Variants in KIAA1549L observed in about 807,000 individuals in gnomAD.
The protein encoded by KIAA1549L is KIAA1549 like.
In KIAA1549L, 88 loss-of-function variants were observed where a neutral mutation model predicts 160.7. The observed-to-expected ratio is 0.55, with a 90% CI of 0.46 to 0.65. The LOEUF (loss-of-function observed/expected upper bound fraction) is 0.65, where lower values mean the gene tolerates loss of function less well. Among genes scored for constraint, KIAA1549L ranks in the 30% least tolerant of loss-of-function variants. KIAA1549L has a pLI of 0.00. For missense variants in KIAA1549L, 2,258 were observed against 2,437.5 expected, an observed-to-expected ratio of 0.93 and a Z score of 1.55; for synonymous variants, 950 against 976.7, an observed-to-expected ratio of 0.97 and a Z score of 0.51.
At chr11:33,562,065 T>G (rs1187911197) in intron 8 of KIAA1549L, among the ~76,000 whole-genome samples, 1 of 152,190 alleles carries the variant, frequency 6.6e-6, no homozygotes, top group Non-Finnish European at 1.5e-5. Context: ...TGGAAAGCCT[T>G]TTTGGACTGC....
chr11:33,667,758 C>G, intron 20 of KIAA1549L, 115 bp from the exon 21 acceptor site: 1 of 865,838 alleles, frequency 1.2e-6, no homozygotes, highest in Non-Finnish European at 1.8e-6. Flanking sequence ...CCATTTTCTT[C>G]TAAGTTCTCT....
At chr11:33,588,262 C>G (rs1326754526) in intron 11 of KIAA1549L, among the ~76,000 whole-genome samples, 1 of 152,186 alleles carries the variant, frequency 6.6e-6, no homozygotes, top group Admixed American at 6.5e-5. Context: ...GCACCAAGGA[C>G]AGTCCCTATC....
chr11:33,505,607 T>C (rs1307453716), intron 1 of KIAA1549L, among the ~76,000 whole-genome samples: 1 of 152,190 alleles, frequency 6.6e-6, no homozygotes, highest in East Asian at 1.9e-4. Flanking sequence ...TCAAAGTGAG[T>C]CTTCACTTAT....
chr11:33,385,027 C>A (rs1176151710), intron 1 of KIAA1549L, among the ~76,000 whole-genome samples: 1 of 150,528 alleles, frequency 6.6e-6, no homozygotes, highest in Non-Finnish European at 1.5e-5. Flanking sequence ...CTTTTTGTGT[C>A]CTAGCATAGA....
At chr11:33,629,268 G>A (rs1271173199) in intron 16 of KIAA1549L, among the ~76,000 whole-genome samples, 6 of 152,018 alleles carry the variant, frequency 3.9e-5, no homozygotes, top group Admixed American at 6.5e-5. Context: ...TATATGTCTT[G>A]GAGTTGCTCT....
chr11:33,468,864 T>G (rs1258358185), intron 1 of KIAA1549L, among the ~76,000 whole-genome samples: 7 of 152,202 alleles, frequency 4.6e-5, no homozygotes, highest in Admixed American at 4.6e-4. Context: ...TTATTTTTTT[T>G]ATGTTATAGA....
At chr11:33,555,369 A>G (rs1854613025) in intron 6 of KIAA1549L, among the ~76,000 whole-genome samples, 1 of 152,216 alleles carries the variant, frequency 6.6e-6, no homozygotes, top group African/African-American at 2.4e-5. Context: ...CTTGAAAAGG[A>G]AGAACGAAGT....
In KIAA1549L at chr11:33,470,375, T is replaced by C. The variant is rs184291950; in HGVS notation, c.239-71427T>C. 5.9e-5 allele frequency among the ~76,000 whole-genome samples: 9 copies of C among 152,338 alleles called. No homozygotes were observed. The East Asian group carries it at 1.7e-3, about 29-fold the overall frequency. ...TCAGTTCTATTACATTGATCTCATA[T>C]GTCCATCTTTATGCCACTGCCACAC... On this transcript the variant is annotated intron_variant, in intron 1 of 20. Coordinates refer to ENST00000658780, the MANE Select transcript of KIAA1549L (RefSeq NM_012194.3).
At chr11:33,622,438 G>A (rs1170751519) in intron 16 of KIAA1549L, among the ~76,000 whole-genome samples, 2 of 152,170 alleles carry the variant, frequency 1.3e-5, no homozygotes, top group African/African-American at 4.8e-5. Flanking sequence ...GGAACACCGA[G>A]GTTAAGAAAA....
At chr11:33,644,890 A>T (rs1851674812) in intron 16 of KIAA1549L, among the ~76,000 whole-genome samples, 1 of 152,232 alleles carries the variant, frequency 6.6e-6, no homozygotes. Context: ...ATGGCACAGA[A>T]GCCTCAGAGC....
At chr11:33,463,986 G>A (rs933842698) in intron 1 of KIAA1549L, among the ~76,000 whole-genome samples, 1 of 152,198 alleles carries the variant, frequency 6.6e-6, no homozygotes, top group African/African-American at 2.4e-5. Context: ...GCAGAGAGAT[G>A]TTTGTTTAGT....
intron 1 of KIAA1549L, among the ~76,000 whole-genome samples, chr11:33,387,422 C>T (rs1375657089): frequency 6.6e-6 from 1 of 152,136 alleles, no homozygotes; most frequent in African/African-American, 2.4e-5. Flanking sequence ...TCTCCTGCCT[C>T]AGCCTCCCAA....
intron 8 of KIAA1549L, among the ~76,000 whole-genome samples, chr11:33,567,196 G>A (rs928702699): frequency 2.0e-5 from 3 of 152,170 alleles, no homozygotes; most frequent in South Asian, 4.1e-4. Flanking sequence ...GAAGCCTAGC[G>A]GTGGAAAAAG....
chr11:33,484,613 A>T (rs901690892), intron 1 of KIAA1549L, among the ~76,000 whole-genome samples: 2 of 152,228 alleles, frequency 1.3e-5, no homozygotes, highest in African/African-American at 4.8e-5. Context: ...GATTATCTAC[A>T]TAAAGGGCTT....
intron 1 of KIAA1549L, chr11:33,403,263 A>ACATGCACACACACATG (rs1590221237): frequency 7.0e-6 from 1 of 143,368 alleles, no homozygotes; most frequent in Non-Finnish European, 1.5e-5. Context: ...ACACACAGAC[A>ACATGCACACACACATG]CAGACACACA....
At chr11:33,535,133 T>C (rs1853864794) in intron 1 of KIAA1549L, among the ~76,000 whole-genome samples, 1 of 152,108 alleles carries the variant, frequency 6.6e-6, no homozygotes. Flanking sequence ...ATAATTCATT[T>C]CTTTGTGGCT....
intron 1 of KIAA1549L, among the ~76,000 whole-genome samples, chr11:33,485,524 TA>T (rs1305595540): frequency 6.6e-6 from 1 of 152,104 alleles, no homozygotes; most frequent in African/African-American, 2.4e-5. Context: ...ATTTCCAGAT[TA>T]AAAAAACCTG....
rs182495533 is a variant in KIAA1549L, at chr11:33,573,496, G to A, written c.4231-1206G>A. ...ATCCATAATGATACAAATAGCCATA[G>A]TTTATTCATTTTCACCACTACACTA... On this transcript the variant is annotated intron_variant, in intron 9 of 20. Transcript: ENST00000658780. 1.3e-4 allele frequency among the ~76,000 whole-genome samples: 20 copies of A among 152,222 alleles called. No homozygotes were observed. In the East Asian group the frequency reaches 3.5e-3, roughly 26 times the overall value.
intron 1 of KIAA1549L, among the ~76,000 whole-genome samples, chr11:33,531,542 A>G (rs1853773227): frequency 6.6e-6 from 1 of 152,250 alleles, no homozygotes; most frequent in African/African-American, 2.4e-5. Flanking sequence ...CTGATTCCAC[A>G]AAAGATTACC....
Sources: allele counts gnomAD v4.1 joint callset (sites outside exome capture counted in the v4.1 genomes callset), GRCh38; gene constraint gnomAD v4.1.1; transcripts MANE v1.5; gene names NCBI Gene and HGNC (gene_info 2026-07-23, HGNC 2026-07-21).